The following SLC5A11 variants were observed in gnomAD, a reference collection of about 807,000 sequenced individuals.
SLC5A11 encodes solute carrier family 5 member 11.
Under a neutral mutation model 69.8 loss-of-function variants are expected in SLC5A11, and 48 were observed. That is an observed-to-expected ratio of 0.69 (90% CI 0.55 to 0.87). SLC5A11 has a LOEUF of 0.87. Ranked by LOEUF, SLC5A11 falls within the 40% of genes least tolerant of loss-of-function variation. The pLI is 0.00. For missense variants in SLC5A11, 784 were observed against 866.1 expected, an observed-to-expected ratio of 0.91 and a Z score of 1.19; for synonymous variants, 319 against 342.4, an observed-to-expected ratio of 0.93 and a Z score of 0.75.
chr16:24,907,823 C>G (rs942172986), intron 12 of SLC5A11, 140 bp from the exon 14 acceptor site: 6 of 1,029,046 alleles, frequency 5.8e-6, no homozygotes, highest in Non-Finnish European at 7.0e-6. Context: ...GAGTTGGAGG[C>G]TGCAGTGAGC....
At chr16:24,910,631 C>T (rs981656857) in intron 15 of SLC5A11, among the ~76,000 whole-genome samples, 154 bp downstream of exon 16, 3 of 151,888 alleles carry the variant, frequency 2.0e-5, no homozygotes, top group Non-Finnish European at 2.9e-5. Context: ...CCCCACGCTC[C>T]GGCCATGGGA....
intron 3 of SLC5A11, 47 bp from the exon 5 acceptor site, chr16:24,869,854 T>G: frequency 7.3e-7 from 1 of 1,371,220 alleles, no homozygotes; most frequent in South Asian, 1.2e-5. Context: ...GGGGAGCAGG[T>G]ACCCTTGACT....
intron 6 of SLC5A11, 46 bp from the exon 8 acceptor site, chr16:24,877,212 C>G: frequency 6.2e-7 from 1 of 1,604,722 alleles, no homozygotes; most frequent in Non-Finnish European, 8.5e-7. Context: ...TCCACTCATT[C>G]ATTCATTCGT....
intron 7 of SLC5A11, among the ~76,000 whole-genome samples, chr16:24,880,535 T>A (rs1013950728): frequency 6.6e-6 from 1 of 152,120 alleles, no homozygotes; most frequent in Admixed American, 6.6e-5. Context: ...GGTTTCTCCA[T>A]GTTGGTCAGG....
At chr16:24,863,966 C>G (rs1040332098) in intron 3 of SLC5A11, among the ~76,000 whole-genome samples, 4 of 152,200 alleles carry the variant, frequency 2.6e-5, no homozygotes, top group Admixed American at 2.6e-4. Context: ...TTTGACCTTA[C>G]GTAGAACTCA....
intron 9 of SLC5A11, 90 bp downstream of exon 10, chr16:24,891,164 CTT>C (rs2048778220): frequency 3.1e-6 from 4 of 1,300,198 alleles, no homozygotes; most frequent in Admixed American, 3.8e-5. Flanking sequence ...TCCTCCATCT[CTT>C]CTCTCATTTG....
intron 6 of SLC5A11, 32 bp downstream of exon 7, chr16:24,875,763 T>C (rs374249234): frequency 1.9e-6 from 3 of 1,548,172 alleles, no homozygotes; most frequent in African/African-American, 1.4e-5. Context: ...GCCTCACCCA[T>C]GCAGCATGGG....
intron 1 of SLC5A11, among the ~76,000 whole-genome samples, chr16:24,851,520 G>T (rs141439219): frequency 0.025 from 3,852 of 152,068 alleles, 165 homozygotes; most frequent in African/African-American, 0.087. Context: ...ACTACAGTCT[G>T]GGGGACAGAG....
chr16:24,908,338 C>T (rs1468299539), intron 13 of SLC5A11, among the ~76,000 whole-genome samples: 1 of 152,050 alleles, frequency 6.6e-6, no homozygotes, highest in Non-Finnish European at 1.5e-5. Context: ...ATGGCTCACA[C>T]CTGTAATCCC....
chr16:24,855,095 G>A (rs1201460405), intron 1 of SLC5A11, among the ~76,000 whole-genome samples: 1 of 152,016 alleles, frequency 6.6e-6, no homozygotes, highest in Non-Finnish European at 1.5e-5. Context: ...CTCCCAAGGT[G>A]GTAGGATTAT....
chr16:24,903,849 G>T (rs2049826358), intron 10 of SLC5A11, among the ~76,000 whole-genome samples: 1 of 152,146 alleles, frequency 6.6e-6, no homozygotes. Context: ...TTGCTATATT[G>T]ATTCCAATTG....
chr16:24,886,545 A>C (rs1029213306), intron 8 of SLC5A11, among the ~76,000 whole-genome samples: 4 of 149,170 alleles, frequency 2.7e-5, no homozygotes, highest in African/African-American at 9.7e-5. Flanking sequence ...TAATTAAAGT[A>C]ATCACAAAAG....
intron 7 of SLC5A11, among the ~76,000 whole-genome samples, chr16:24,877,910 G>C (rs145385293): frequency 0.1 from 15,309 of 152,254 alleles, 1,018 homozygotes; most frequent in South Asian, 0.15. Context: ...CTTGAACCCG[G>C]GAGGCGGAGG....
chr16:24,896,059 CTT>C (rs11378871), intron 9 of SLC5A11, among the ~76,000 whole-genome samples: 3 of 144,606 alleles, frequency 2.1e-5, no homozygotes, highest in South Asian at 2.2e-4. Context: ...TAAAAAGGCT[CTT>C]TTTTTTTTTT....
chr16:24,846,914 A>G (rs995105782), intron 1 of SLC5A11, among the ~76,000 whole-genome samples: 2 of 152,264 alleles, frequency 1.3e-5, no homozygotes, highest in African/African-American at 2.4e-5. Context: ...CGTGTCAGAC[A>G]CGTGCAGAGA....
chr16:24,875,794 A>G (rs2047634667), intron 6 of SLC5A11, 63 bp downstream of exon 7: 2 of 1,327,898 alleles, frequency 1.5e-6, no homozygotes, highest in Admixed American at 3.7e-5. Flanking sequence ...GGCACAGATC[A>G]TTGCTCAGGA....
rs552930760 is a variant in SLC5A11 at position 24,862,978 on chromosome 16, A to T, written c.207+306A>T. Among the ~76,000 whole-genome samples the T allele has an allele frequency of 3.0e-5, 4 of 134,254 alleles. No individual in the cohort carries two copies. In the South Asian group the frequency reaches 8.9e-4, roughly 30 times the overall value. The allele number at this position is 134,254 out of a possible 152,430, so 88.1% of individuals were successfully genotyped here. On this transcript the variant is annotated intron_variant, in intron 3 of 15. Coordinates refer to ENST00000347898, the Ensembl canonical transcript of SLC5A11. ...ATAATTATATATTATATAATATATA[A>T]TTATATAATATATAATCATATATTT...
chr16:24,885,380 C>G (rs1322207004), intron 8 of SLC5A11, among the ~76,000 whole-genome samples: 1 of 129,200 alleles, frequency 7.7e-6, no homozygotes, highest in Non-Finnish European at 1.9e-5. Context: ...AGTGTGGTGG[C>G]TCACACCTGT....
At chr16:24,851,383 G>A (rs986629405) in intron 1 of SLC5A11, among the ~76,000 whole-genome samples, 6 of 151,914 alleles carry the variant, frequency 3.9e-5, no homozygotes, top group Non-Finnish European at 8.8e-5. Flanking sequence ...AAAATTAGCC[G>A]GACGTGGTTG....
Sources: gnomAD v4.1 joint callset for allele counts (sites outside exome capture counted in the v4.1 genomes callset) on GRCh38, gnomAD v4.1.1 for gene constraint, MANE v1.5 for transcripts, NCBI Gene and HGNC (gene_info 2026-07-23, HGNC 2026-07-21) for gene names.